The following LRBA variants were observed in gnomAD, a reference collection of about 807,000 sequenced individuals.
LRBA encodes LPS responsive beige-like anchor protein, also known as lipopolysaccharide-responsive and beige-like anchor protein.
Under a neutral mutation model 330.0 loss-of-function variants are expected in LRBA, and 176 were observed. The ratio of observed to expected loss-of-function variants is 0.53; its 90% CI spans 0.47 to 0.60. The LOEUF (loss-of-function observed/expected upper bound fraction) is 0.60, where lower values mean the gene tolerates loss of function less well. Among genes scored for constraint, LRBA ranks in the 20% least tolerant of loss-of-function variants. The pLI is 0.00. For missense variants in LRBA, 3,259 were observed against 3,444.8 expected, an observed-to-expected ratio of 0.95 and a Z score of 1.35; for synonymous variants, 1,230 against 1,193.0, an observed-to-expected ratio of 1.03 and a Z score of -0.64.
At chr4:150,970,538 TGTGTGTGTGTGTGTGTGTACAC>T (rs1427343277) in intron 2 of LRBA, 2 of 41,054 alleles carry the variant, frequency 4.9e-5, no homozygotes, top group African/African-American at 1.2e-4. Flanking sequence ...TGTGTGTGTG[TGTGTGTGTGTGTGTGTGTACAC>T]ACACACACAC....
At chr4:150,631,845 C>G (rs539736680) in intron 37 of LRBA, among the ~76,000 whole-genome samples, 1 of 152,228 alleles carries the variant, frequency 6.6e-6, no homozygotes, top group Non-Finnish European at 1.5e-5. Flanking sequence ...GAAGTACATC[C>G]ACATGGAAAA....
At chr4:150,685,533 A>C (rs978159546) in intron 36 of LRBA, among the ~76,000 whole-genome samples, 9 of 141,732 alleles carry the variant, frequency 6.4e-5, no homozygotes, top group Admixed American at 2.9e-4. Flanking sequence ...TCCTGGGTTC[A>C]AGCAATTCTC....
chr4:150,914,462 A>G (rs1732354527), intron 8 of LRBA, 121 bp from the exon 9 acceptor site: 1 of 567,080 alleles, frequency 1.8e-6, no homozygotes, highest in African/African-American at 1.9e-5. Flanking sequence ...GACTAACATA[A>G]TTTATACCAT....
chr4:150,809,345 G>A (rs1359139927), intron 31 of LRBA, among the ~76,000 whole-genome samples: 2 of 152,166 alleles, frequency 1.3e-5, no homozygotes, highest in Non-Finnish European at 2.9e-5. Context: ...TCCACTAAAA[G>A]AAAGAAATGG....
intron 40 of LRBA, among the ~76,000 whole-genome samples, chr4:150,505,613 C>T (rs1760955933): frequency 6.6e-6 from 1 of 152,000 alleles, no homozygotes; most frequent in African/African-American, 2.4e-5. Context: ...CACTAAATGC[C>T]CACAAGAGAA....
At chr4:150,517,356 C>T (rs1458089857) in intron 40 of LRBA, among the ~76,000 whole-genome samples, 1 of 151,688 alleles carries the variant, frequency 6.6e-6, no homozygotes, top group Non-Finnish European at 1.5e-5. Flanking sequence ...TCTGTCTCTA[C>T]AAAAAAATAC....
chr4:150,937,392 T>C (rs891941343), intron 2 of LRBA, among the ~76,000 whole-genome samples: 6 of 152,140 alleles, frequency 3.9e-5, no homozygotes, highest in African/African-American at 1.4e-4. Flanking sequence ...GCTGTAGTAA[T>C]GGCTCTGCAC....
chr4:150,465,015 CT>C (rs1755268817), intron 44 of LRBA, among the ~76,000 whole-genome samples: 1 of 151,930 alleles, frequency 6.6e-6, no homozygotes, highest in East Asian at 1.9e-4. Context: ...ACTTGCAATC[CT>C]GAAACTCTAT....
At chr4:150,407,184 G>C (rs1746319460) in intron 47 of LRBA, among the ~76,000 whole-genome samples, 1 of 152,144 alleles carries the variant, frequency 6.6e-6, no homozygotes, top group Non-Finnish European at 1.5e-5. Flanking sequence ...GACAGATTTG[G>C]CTATAGACAG....
intron 50 of LRBA, among the ~76,000 whole-genome samples, chr4:150,319,555 T>C (rs1732202502): frequency 6.6e-6 from 1 of 152,144 alleles, no homozygotes; most frequent in Non-Finnish European, 1.5e-5. Context: ...TTTTCATAAA[T>C]ATTTACTTCT....
At chr4:150,625,760 A>C (rs1776789819) in intron 37 of LRBA, among the ~76,000 whole-genome samples, 1 of 150,824 alleles carries the variant, frequency 6.6e-6, no homozygotes, top group African/African-American at 2.4e-5. Context: ...CCCAGGCTGG[A>C]GTGCAGTGGC....
chr4:150,799,647 T>C (rs921046638), intron 33 of LRBA, among the ~76,000 whole-genome samples: 1 of 152,272 alleles, frequency 6.6e-6, no homozygotes, highest in African/African-American at 2.4e-5. Flanking sequence ...TAATGAAAAA[T>C]AGTAATTTTA....
intron 36 of LRBA, among the ~76,000 whole-genome samples, chr4:150,728,594 A>C (rs944399573): frequency 6.6e-6 from 1 of 152,120 alleles, no homozygotes; most frequent in Non-Finnish European, 1.5e-5. Flanking sequence ...ATGAAGGATA[A>C]AAAAATGATC....
intron 35 of LRBA, among the ~76,000 whole-genome samples, chr4:150,736,252 A>C (rs1048833711): frequency 6.6e-6 from 1 of 152,232 alleles, no homozygotes; most frequent in African/African-American, 2.4e-5. Context: ...TAGAGACTTA[A>C]ATTTACCCTT....
intron 40 of LRBA, among the ~76,000 whole-genome samples, chr4:150,508,275 C>T (rs1213948954): frequency 1.5e-5 from 2 of 136,182 alleles, no homozygotes; most frequent in African/African-American, 2.6e-5. Flanking sequence ...TCACATGAGA[C>T]CAAGCAGTTT....
chr4:150,937,674 C>T (rs1460402664), intron 2 of LRBA, among the ~76,000 whole-genome samples: 1 of 151,990 alleles, frequency 6.6e-6, no homozygotes, highest in African/African-American at 2.4e-5. Flanking sequence ...TTTATAGCAG[C>T]CTTCAGGGTG....
intron 17 of LRBA, among the ~76,000 whole-genome samples, chr4:150,879,589 G>A (rs1397244177): frequency 6.6e-6 from 1 of 152,100 alleles, no homozygotes; most frequent in Non-Finnish European, 1.5e-5. Flanking sequence ...CTCTCTTCAT[G>A]ACAATATAAT....
intron 37 of LRBA, among the ~76,000 whole-genome samples, chr4:150,653,449 T>C (rs1779896133): frequency 6.6e-6 from 1 of 152,146 alleles, no homozygotes; most frequent in Admixed American, 6.5e-5. Context: ...CTACTTCATT[T>C]TACCTCCTGC....
At chr4:150,853,980 C>A (rs1750928398) in intron 22 of LRBA, among the ~76,000 whole-genome samples, 1 of 151,962 alleles carries the variant, frequency 6.6e-6, no homozygotes, top group South Asian at 2.1e-4. Flanking sequence ...ATAGGACAAT[C>A]AAGGAAGAAA....
Sources: allele counts gnomAD v4.1 joint callset (sites outside exome capture counted in the v4.1 genomes callset), GRCh38; gene constraint gnomAD v4.1.1; transcripts MANE v1.5; gene names NCBI Gene and HGNC (gene_info 2026-07-23, HGNC 2026-07-21).